The following LRRC7 variants were observed in gnomAD, a reference collection of about 807,000 sequenced individuals.
LRRC7 encodes the protein leucine-rich repeat-containing protein 7.
In LRRC7, 23 loss-of-function variants were observed where a neutral mutation model predicts 175.7. That is an observed-to-expected ratio of 0.13 (90% CI 0.09 to 0.19). The LOEUF is 0.19. LRRC7 is among the 10% of genes least tolerant of loss of function. The probability of loss-of-function intolerance (pLI) is 1.00; values close to 1 mark genes in which losing one functional copy is unlikely to be tolerated. For synonymous variants in LRRC7, 685 were observed against 680.9 expected (o/e 1.01, Z -0.09); for missense variants, 1,354 against 1,904.7 (o/e 0.71, Z 5.38).
intron 3 of LRRC7, among the ~76,000 whole-genome samples, chr1:69,778,957 CAAACAT>C (rs1673153361): frequency 7.6e-6 from 1 of 131,776 alleles, no homozygotes; most frequent in African/African-American, 3.2e-5. Flanking sequence ...TACACACACA[CAAACAT>C]ATATATATAT....
intron 7 of LRRC7, among the ~76,000 whole-genome samples, chr1:69,853,769 C>G (rs910502174): frequency 2.6e-5 from 4 of 152,056 alleles, no homozygotes; most frequent in Admixed American, 2.0e-4. Context: ...ACAGCTTTTT[C>G]CTTTTATAAT....
At chr1:69,892,313 G>T (rs1403627074) in intron 7 of LRRC7, among the ~76,000 whole-genome samples, 1 of 152,116 alleles carries the variant, frequency 6.6e-6, no homozygotes, top group East Asian at 1.9e-4. Context: ...AAAGTGGAAA[G>T]GTAGGGTGAG....
chr1:69,995,680 T>C (rs1030780710), intron 11 of LRRC7, among the ~76,000 whole-genome samples: 3 of 152,128 alleles, frequency 2.0e-5, no homozygotes, highest in African/African-American at 7.2e-5. Context: ...TGCGATAGTT[T>C]ACTCAGAATG....
intron 7 of LRRC7, among the ~76,000 whole-genome samples, chr1:69,839,210 T>A (rs907305109): frequency 7.2e-5 from 11 of 152,100 alleles, no homozygotes; most frequent in African/African-American, 2.7e-4. Flanking sequence ...TACCTTCAAG[T>A]GCATTTTATG....
At chr1:69,763,563 T>C (rs939150289) in intron 3 of LRRC7, among the ~76,000 whole-genome samples, 4 of 151,756 alleles carry the variant, frequency 2.6e-5, no homozygotes, top group East Asian at 1.9e-4. Flanking sequence ...CTCTGTAGAG[T>C]TGTGGCTGCT....
rs769174289 is a variant in LRRC7 at position 70,127,822 on chromosome 1, T to C, written c.*5935T>C. On this transcript the variant is annotated 3_prime_UTR_variant, in exon 27 of 27. Transcript: ENST00000651989. Reference sequence around the variant, plus strand: ...TTATGTAAACATTCCATGACTCTTATTAGTCTACGGTTGGAACCACTATGT... The same window carrying C: ...TTATGTAAACATTCCATGACTCTTACTAGTCTACGGTTGGAACCACTATGT... Among the ~76,000 whole-genome samples, 66 of 152,334 alleles carry C rather than the reference T, an allele frequency of 4.3e-4. No individual in the cohort carries two copies. The highest frequency in any genetic ancestry group is 6.6e-4 in the Non-Finnish European group (45 of 68,022).
rs1659680494 is a variant in LRRC7, at chr1:70,039,571, T to C, written c.3747T>C (p.Gly1249=). The C allele has an allele frequency of 6.2e-7, 1 of 1,614,002 alleles. No homozygotes were observed. Among genetic ancestry groups the C allele is most frequent in the Non-Finnish European group, 8.5e-7 (1 of 1,180,014 alleles). ...GAAGCTACAGTACAGAGAGTTACGG[T>C]GCCTCCCAAACCAGGCCAGTTTCAG... is the stretch of plus-strand genomic sequence containing the variant. ...SARSYSTESY[G]ASQTRPVSAR... is the part of the protein sequence containing the mutation. Residue 1249 remains glycine (G), a synonymous_variant, in exon 21 of 27, where the codon GGT becomes GGC. Coordinates refer to ENST00000651989, the MANE Select transcript of LRRC7 (RefSeq NM_001370785.2).
At chr1:69,857,387 C>G (rs1468022504) in intron 7 of LRRC7, among the ~76,000 whole-genome samples, 2 of 152,170 alleles carry the variant, frequency 1.3e-5, no homozygotes, top group South Asian at 2.1e-4. Context: ...CCCAAAATCT[C>G]CTTAAGCTGA....
intron 4 of LRRC7, among the ~76,000 whole-genome samples, chr1:69,814,917 T>A (rs953524809): frequency 1.3e-5 from 2 of 152,200 alleles, no homozygotes; most frequent in African/African-American, 4.8e-5. Flanking sequence ...TTCCTGAATT[T>A]AATGTTTGTT....
At chr1:69,857,527 A>C (rs1482033003) in intron 7 of LRRC7, among the ~76,000 whole-genome samples, 1 of 152,094 alleles carries the variant, frequency 6.6e-6, no homozygotes, top group African/African-American at 2.4e-5. Flanking sequence ...CAAAGAGAAT[A>C]AAATACCTAG....
intron 4 of LRRC7, among the ~76,000 whole-genome samples, chr1:69,802,659 T>C (rs1676654020): frequency 1.3e-5 from 2 of 151,508 alleles, no homozygotes; most frequent in Admixed American, 6.6e-5. Context: ...TAATTCATGT[T>C]GCTTAATCCA....
intron 2 of LRRC7, among the ~76,000 whole-genome samples, chr1:69,739,822 A>C (rs1398635009): frequency 6.6e-6 from 1 of 152,104 alleles, no homozygotes; most frequent in Non-Finnish European, 1.5e-5. Context: ...CTGAATTTTC[A>C]AGATGTCAAT....
chr1:69,879,212 T>TAAAAAAAAA lies in LRRC7; in HGVS notation c.647+40945_647+40953dup, dbSNP rs201332183. ...TTTTGCTGTAAACCTAAAACTGCTT[T>TAAAAAAAAA]AAAAAAAAAAAAAAAAAAAAAAAAG... On this transcript the variant is annotated intron_variant, in intron 7 of 26. Transcript: ENST00000651989. Among the ~76,000 whole-genome samples, 386 of 91,894 alleles carry TAAAAAAAAA rather than the reference T, an allele frequency of 4.2e-3. 27 individuals are homozygous for TAAAAAAAAA. The highest frequency in any genetic ancestry group is 0.019 in the African/African-American group (369 of 19,126). The allele number at this position is 91,894 out of a possible 152,430, so 60.3% of individuals were successfully genotyped here.
intron 8 of LRRC7, among the ~76,000 whole-genome samples, chr1:69,945,189 G>A (rs190703827): frequency 6.6e-6 from 1 of 152,026 alleles, no homozygotes; most frequent in Non-Finnish European, 1.5e-5. Flanking sequence ...TTTGCATATG[G>A]GGTGGAATAA....
chr1:69,749,658 A>G (rs539562786), intron 2 of LRRC7, among the ~76,000 whole-genome samples: 1 of 152,340 alleles, frequency 6.6e-6, no homozygotes, highest in South Asian at 2.1e-4. Context: ...TTTTAAAAAT[A>G]TAAGTTTTAC....
intron 1 of LRRC7, among the ~76,000 whole-genome samples, chr1:69,634,555 A>G (rs1029819856): frequency 1.3e-5 from 2 of 152,138 alleles, no homozygotes; most frequent in East Asian, 1.9e-4. Flanking sequence ...TTATGGTTCT[A>G]TTGAAACCTT....
At chr1:69,938,995 T>TTTTATA (rs1553178449) in intron 8 of LRRC7, among the ~76,000 whole-genome samples, 28 of 97,570 alleles carry the variant, frequency 2.9e-4, no homozygotes, top group African/African-American at 1.0e-3. Context: ...AGGCTGTAGA[T>TTTTATA]TATATATATA....
At chr1:69,790,783 A>G (rs1675013717) in intron 3 of LRRC7, among the ~76,000 whole-genome samples, 1 of 151,954 alleles carries the variant, frequency 6.6e-6, no homozygotes, top group Non-Finnish European at 1.5e-5. Flanking sequence ...TCTCTTTTTG[A>G]GGTTTCATAC....
rs574357981 is a variant in LRRC7 at position 69,650,539 on chromosome 1, C to CAAAAAAAAAAAAAAAAAAAAAAAA, written c.3-27827_3-27826insAAAAAAAAAAAAAAAAAAAAAAAA. Among the ~76,000 whole-genome samples the CAAAAAAAAAAAAAAAAAAAAAAAA allele has an allele frequency of 1.7e-3, 137 of 78,994 alleles. 6 individuals carry two copies. Among genetic ancestry groups the CAAAAAAAAAAAAAAAAAAAAAAAA allele is most frequent in the East Asian group, 3.2e-3 (6 of 1,862 alleles). The allele number at this position is 78,994 out of a possible 152,430, so 51.8% of individuals were successfully genotyped here. ...TGGGCGAAAAAGAGAGACTCCGTCTCAAAAAAAAAAAAAAATGCCAAGCAT... is the reference window on the plus strand; with the variant it reads ...TGGGCGAAAAAGAGAGACTCCGTCTCAAAAAAAAAAAAAAAAAAAAAAAAAAAAAAAAAAAAAAATGCCAAGCAT... On this transcript the variant is annotated intron_variant, in intron 1 of 26. Coordinates refer to ENST00000651989, the MANE Select transcript of LRRC7 (RefSeq NM_001370785.2).
Sources: allele counts gnomAD v4.1 joint callset (sites outside exome capture counted in the v4.1 genomes callset), GRCh38; gene constraint gnomAD v4.1.1; transcripts MANE v1.5; gene names NCBI Gene and HGNC (gene_info 2026-07-23, HGNC 2026-07-21).